The following MAGI2 variants were observed in gnomAD, a reference collection of about 807,000 sequenced individuals.
MAGI2 encodes the protein membrane associated guanylate kinase, WW and PDZ domain containing 2.
A neutral mutation model predicts 133.3 loss-of-function variants in MAGI2; 35 were observed. That is an observed-to-expected ratio of 0.26 (90% CI 0.20 to 0.35). The LOEUF (loss-of-function observed/expected upper bound fraction) is 0.35, where lower values mean the gene tolerates loss of function less well. Ranked by LOEUF, MAGI2 falls within the 10% of genes least tolerant of loss-of-function variation. The pLI is 1.00. For synonymous variants in MAGI2, 729 were observed against 710.6 expected (o/e 1.03, Z -0.41); for missense variants, 1,636 against 1,863.4 (o/e 0.88, Z 2.25).
intron 2 of MAGI2, among the ~76,000 whole-genome samples, chr7:78,670,732 C>A (rs1269824392): frequency 1.3e-5 from 2 of 152,070 alleles, no homozygotes; most frequent in African/African-American, 4.8e-5. Context: ...AGATATAGAT[C>A]AATGGAACAG....
chr7:78,658,967 A>G (rs879574579), intron 2 of MAGI2, among the ~76,000 whole-genome samples: 1 of 152,190 alleles, frequency 6.6e-6, no homozygotes, highest in African/African-American at 2.4e-5. Flanking sequence ...ACTGTTGGGC[A>G]TTTATCCCAG....
At chr7:78,706,732 C>T (rs1007749139) in intron 2 of MAGI2, among the ~76,000 whole-genome samples, 3 of 152,036 alleles carry the variant, frequency 2.0e-5, no homozygotes, top group South Asian at 2.1e-4. Context: ...ATGTGGAGAA[C>T]AGAAGATAGC....
intron 5 of MAGI2, among the ~76,000 whole-genome samples, chr7:78,500,235 A>G (rs1195000384): frequency 6.6e-6 from 1 of 152,212 alleles, no homozygotes; most frequent in African/African-American, 2.4e-5. Flanking sequence ...CAATTTCACA[A>G]CTGAATTCTG....
chr7:78,913,863 A>G (rs1442942214), intron 2 of MAGI2, among the ~76,000 whole-genome samples: 1 of 152,172 alleles, frequency 6.6e-6, no homozygotes, highest in Non-Finnish European at 1.5e-5. Flanking sequence ...TGCAAAGTCT[A>G]TTTCTTAAAC....
In MAGI2 at chr7:78,325,988, T is replaced by G. The variant is rs142185603; in HGVS notation, c.1408+17790A>C. On this transcript the variant is annotated intron_variant, in intron 9 of 21. Transcript: ENST00000354212. ...ATCTTTCCATTCCTCTTAAGCAGAC[T>G]TTATAGTTTCCTCCTGATCAACCTC... is the stretch of plus-strand genomic sequence containing the variant. Among the ~76,000 whole-genome samples the G allele has an allele frequency of 3.9e-5, 6 of 152,370 alleles. No homozygotes were observed. In the East Asian group the frequency reaches 9.6e-4, roughly 24 times the overall value.
chr7:78,651,510 G>A (rs1474980448), intron 2 of MAGI2, among the ~76,000 whole-genome samples: 1 of 151,936 alleles, frequency 6.6e-6, no homozygotes, highest in African/African-American at 2.4e-5. Context: ...TGTTTTTACA[G>A]TTTACCTTAT....
At chr7:78,854,075 G>A (rs1793415427) in intron 2 of MAGI2, among the ~76,000 whole-genome samples, 2 of 151,992 alleles carry the variant, frequency 1.3e-5, no homozygotes, top group Admixed American at 1.3e-4. Context: ...GGGATCAACT[G>A]TCAGATACAT....
intron 6 of MAGI2, among the ~76,000 whole-genome samples, chr7:78,446,948 T>G (rs1216861507): frequency 6.6e-6 from 1 of 152,094 alleles, no homozygotes; most frequent in Non-Finnish European, 1.5e-5. Flanking sequence ...GTTTATAGGA[T>G]GCACAGTTGG....
Position 78,274,185 on chromosome 7 carries a change from A to G in MAGI2, c.1409-17604T>C, listed in dbSNP as rs926701538. Among the ~76,000 whole-genome samples the G allele has an allele frequency of 3.3e-5, 5 of 152,206 alleles. No individual in the cohort carries two copies. The East Asian group carries it at 9.6e-4, about 29-fold the overall frequency. On this transcript the variant is annotated intron_variant, in intron 9 of 21. Coordinates refer to ENST00000354212, the MANE Select transcript of MAGI2 (RefSeq NM_012301.4). Reference sequence around the variant, plus strand: ...TCTCTTTGTTAGTTTTCCTTCTAACAGTCAGGATCCTCTGCTGCAGGTCTC... The same window carrying G: ...TCTCTTTGTTAGTTTTCCTTCTAACGGTCAGGATCCTCTGCTGCAGGTCTC...
intron 1 of MAGI2, among the ~76,000 whole-genome samples, chr7:79,195,744 A>C (rs77151361): frequency 0.027 from 4,071 of 151,900 alleles, 85 homozygotes; most frequent in East Asian, 0.04. Flanking sequence ...ATATTAAAGT[A>C]ATATCTGTCC....
At chr7:78,213,678 T>TC (rs1787989004) in intron 10 of MAGI2, among the ~76,000 whole-genome samples, 1 of 152,220 alleles carries the variant, frequency 6.6e-6, no homozygotes, top group African/African-American at 2.4e-5. Flanking sequence ...CAGGGAAATG[T>TC]CAAGCTGTAA....
rs560027401 is a variant in MAGI2 at position 78,725,462 on chromosome 7, G to A, written c.419-98223C>T. ...CACGCACTATGCAACTGTTTACCAA[G>A]TATTAACTGTGGGTCAGGCACTATG... On this transcript the variant is annotated intron_variant, in intron 2 of 21. Coordinates refer to ENST00000354212, the MANE Select transcript of MAGI2 (RefSeq NM_012301.4). Among the ~76,000 whole-genome samples the A allele has an allele frequency of 8.5e-5, 13 of 152,316 alleles. No homozygotes were observed. In the South Asian group the frequency reaches 2.7e-3, roughly 32 times the overall value.
chr7:78,426,472 C>T (rs6972004), intron 6 of MAGI2, among the ~76,000 whole-genome samples: 6 of 151,650 alleles, frequency 4.0e-5, no homozygotes, highest in East Asian at 3.9e-4. Context: ...GGGGGGAGCG[C>T]GGAGGGATAG....
chr7:79,410,304 T>C (rs376538421), intron 1 of MAGI2: 1 of 152,282 alleles, frequency 6.6e-6, no homozygotes, highest in African/African-American at 2.4e-5. Flanking sequence ...TAATTATTTT[T>C]GAATCCGGGG....
intron 1 of MAGI2, among the ~76,000 whole-genome samples, chr7:79,406,224 T>C (rs986559603): frequency 6.6e-6 from 1 of 151,952 alleles, no homozygotes; most frequent in African/African-American, 2.4e-5. Flanking sequence ...AGACTGCAAA[T>C]AGTAGCATGT....
chr7:78,574,106 T>C (rs1378042408), intron 3 of MAGI2, among the ~76,000 whole-genome samples: 1 of 152,184 alleles, frequency 6.6e-6, no homozygotes, highest in Non-Finnish European at 1.5e-5. Context: ...ATGGTGGACA[T>C]GGAGAGCTGG....
chr7:79,179,170 GAT>G (rs1374068003), intron 1 of MAGI2, among the ~76,000 whole-genome samples: 1 of 151,824 alleles, frequency 6.6e-6, no homozygotes, highest in Non-Finnish European at 1.5e-5. Context: ...TAAATATTGT[GAT>G]ATTTTAATCT....
intron 2 of MAGI2, among the ~76,000 whole-genome samples, chr7:78,785,280 G>T (rs1826721640): frequency 6.6e-6 from 1 of 152,164 alleles, no homozygotes. Flanking sequence ...TTGTTTAAAA[G>T]TCAATTAGAT....
chr7:78,288,355 AAAC>A (rs1410311282), intron 9 of MAGI2, among the ~76,000 whole-genome samples: 8 of 152,236 alleles, frequency 5.3e-5, no homozygotes, highest in Non-Finnish European at 1.0e-4. Context: ...AACTCAATGT[AAAC>A]AATATTAACA....
Sources: allele counts gnomAD v4.1 joint callset (sites outside exome capture counted in the v4.1 genomes callset), GRCh38; gene constraint gnomAD v4.1.1; transcripts MANE v1.5; gene names NCBI Gene and HGNC (gene_info 2026-07-23, HGNC 2026-07-21).